Variants in ZNF737 observed in about 807,000 individuals in gnomAD.
ZNF737 encodes zinc finger protein 737, also known as zinc finger protein 102 (Y3).
ZNF737 carries 13 observed loss-of-function variants against 11.7 expected under a neutral mutation model. The observed-to-expected ratio is 1.11, with a 90% CI of 0.73 to 1.77. The LOEUF (loss-of-function observed/expected upper bound fraction) is 1.77. Among genes scored for constraint, ZNF737 ranks in the 40% most tolerant of loss-of-function variants. The pLI is 0.00. For synonymous variants in ZNF737, 217 were observed against 216.2 expected (o/e 1.00, Z -0.03); for missense variants, 636 against 638.0 (o/e 1.00, Z 0.03).
At chr19:20,559,955 A>C (rs2047374652) in intron 1 of ZNF737, among the ~76,000 whole-genome samples, 1 of 151,742 alleles carries the variant, frequency 6.6e-6, no homozygotes, top group Admixed American at 6.6e-5. Context: ...TCATGAGGTC[A>C]GGAGATCGAG....
intron 1 of ZNF737, 39 bp downstream of exon 1, chr19:20,565,599 C>CTA (rs782084132): frequency 6.2e-7 from 1 of 1,614,210 alleles, no homozygotes; most frequent in South Asian, 1.1e-5. Flanking sequence ...TCCAACCAGC[C>CTA]TATCCCCCTC....
downstream of ZNF737, among the ~76,000 whole-genome samples, chr19:20,537,113 A>G (rs997247262): frequency 6.6e-6 from 1 of 152,170 alleles, no homozygotes; most frequent in Non-Finnish European, 1.5e-5. Flanking sequence ...AAAAAACAAA[A>G]AACAAAAACT....
At chr19:20,532,580 T>G (rs1555753092), downstream of ZNF737, among the ~76,000 whole-genome samples, 1 of 146,068 alleles carries the variant, frequency 6.8e-6, no homozygotes, top group Non-Finnish European at 1.5e-5. Context: ...CAGTGAAGAT[T>G]TATTCAAACC....
chr19:20,559,602 G>T (rs535196762), intron 1 of ZNF737, among the ~76,000 whole-genome samples: 115 of 152,284 alleles, frequency 7.6e-4, no homozygotes, highest in African/African-American at 2.7e-3. Flanking sequence ...AATAGATGCT[G>T]GCAAGGTTGC....
chr19:20,552,948 G>A (rs1555759026), intron 2 of ZNF737, among the ~76,000 whole-genome samples: 1 of 148,000 alleles, frequency 6.8e-6, no homozygotes, highest in African/African-American at 2.4e-5. Flanking sequence ...GGAGGTGGAT[G>A]TTTCAGTAAG....
intron 1 of ZNF737, among the ~76,000 whole-genome samples, chr19:20,561,909 TTAATATA>T (rs1436194048): frequency 6.6e-6 from 1 of 152,084 alleles, no homozygotes; most frequent in Non-Finnish European, 1.5e-5. Context: ...GTTTAACAGT[TTAATATA>T]TAAGATGCAG....
At chr19:20,553,925 A>G in intron 1 of ZNF737, 90 bp from the exon 2 acceptor site, 1 of 1,497,206 alleles carries the variant, frequency 6.7e-7, no homozygotes, top group South Asian at 1.3e-5. Flanking sequence ...AGTAAAGACA[A>G]ATGGTTCTGA....
Position 20,553,779 on chromosome 19 carries a change from G to A in ZNF737, c.60C>T (p.Cys20=). The A allele has an allele frequency of 2.5e-6, 4 of 1,613,916 alleles. No homozygotes were observed. Residue 20 remains cysteine, a synonymous_variant, in exon 2 of 4, where the codon TGC becomes TGT. Transcript: ENST00000427401. Reference sequence around the variant, plus strand: ...ATAAATTCCGCTGTGCAGTGTCCAGGCAATGCCACTCCTCCAGAGAGAATT... The same window carrying A: ...ATAAATTCCGCTGTGCAGTGTCCAGACAATGCCACTCCTCCAGAGAGAATT... The part of the protein sequence containing the change: ...AIEFSLEEWH[C]LDTAQRNLYR...
In ZNF737 at chr19:20,538,588, T is replaced by G. The variant is rs1968070990; in HGVS notation, c.*6004A>C. On this transcript the variant is annotated 3_prime_UTR_variant, in exon 4 of 4. Coordinates refer to ENST00000427401, the MANE Select transcript of ZNF737 (RefSeq NM_001159293.2). ...GTAAAAATGGCCTTGCTAAGAAAAA[T>G]TAAATTTATTTTCAAGTGCTATTTC... is the stretch of plus-strand genomic sequence containing the variant. 1.0e-6 allele frequency: 1 copy of G among 960,344 alleles called. No individual in the cohort carries two copies. The highest frequency in any genetic ancestry group is 1.8e-5 in the African/African-American group (1 of 56,656). 59.5% of individuals were successfully genotyped at this position (960,344 alleles called of 1,614,324 possible).
rs912467433 is a variant in ZNF737 at position 20,552,344 on chromosome 19, A to C, written c.226+131T>G. ...AAAATTTAAAAAAGAAAAAAAAAAAAAAAACAGCTCCCAGGAACTATTTTC... is the reference window on the plus strand; with the variant it reads ...AAAATTTAAAAAAGAAAAAAAAAAACAAAACAGCTCCCAGGAACTATTTTC... On this transcript the variant is annotated intron_variant, in intron 3 of 3. Coordinates refer to ENST00000427401, the MANE Select transcript of ZNF737 (RefSeq NM_001159293.2). 4.3e-5 allele frequency: 23 copies of C among 534,872 alleles called. 1 individual carries two copies. Among genetic ancestry groups the C allele is most frequent in the Non-Finnish European group, 6.0e-5 (20 of 333,270 alleles). 33.1% of individuals were successfully genotyped at this position (534,872 alleles called of 1,614,324 possible). A position where few individuals can be genotyped will look rare whatever the true frequency, so the allele number is the denominator to read the frequency against.
downstream of ZNF737, among the ~76,000 whole-genome samples, chr19:20,533,907 C>G (rs1348156309): frequency 1.3e-5 from 2 of 150,042 alleles, no homozygotes; most frequent in Admixed American, 1.3e-4. Context: ...ATTGAAATCA[C>G]CTGGACTGAG....
chr19:20,541,378 C>T lies in ZNF737; in HGVS notation c.*3214G>A. ...AAGTCTATGTGTTTGCAGGCAGAGA[C>T]CACATGTTCAAGGAAAACTATATTA... On this transcript the variant is annotated 3_prime_UTR_variant, in exon 4 of 4. Transcript: ENST00000427401. The T allele has an allele frequency of 1.0e-6, 1 of 983,766 alleles. No individual in the cohort carries two copies. The allele number at this position is 983,766 out of a possible 1,614,324, so 60.9% of individuals were successfully genotyped here.
At chr19:20,564,819 C>CA (rs71172602) in intron 1 of ZNF737, among the ~76,000 whole-genome samples, 3,698 of 147,058 alleles carry the variant, frequency 0.025, 90 homozygotes, top group African/African-American at 0.062. Context: ...ATTTCTACCT[C>CA]AAAAAAAAAA....
At chr19:20,563,616 G>A (rs1969188951) in intron 1 of ZNF737, among the ~76,000 whole-genome samples, 2 of 150,296 alleles carry the variant, frequency 1.3e-5, no homozygotes, top group South Asian at 4.2e-4. Flanking sequence ...CTCCCATGTT[G>A]TTGGGAATAC....
intron 2 of ZNF737, among the ~76,000 whole-genome samples, chr19:20,553,128 G>C (rs1555759137): frequency 6.6e-6 from 1 of 152,052 alleles, no homozygotes; most frequent in African/African-American, 2.4e-5. Context: ...TAGATTTTCA[G>C]GTGGAAGCTA....
intron 3 of ZNF737, 50 bp from the exon 4 acceptor site, chr19:20,546,026 A>T (rs1968444394): frequency 6.6e-7 from 1 of 1,515,064 alleles, no homozygotes; most frequent in East Asian, 2.3e-5. Flanking sequence ...ACTCAGATAA[A>T]TATACTTTAC....
intron 1 of ZNF737, among the ~76,000 whole-genome samples, chr19:20,556,477 A>T (rs1555761196): frequency 1.2e-4 from 18 of 152,126 alleles, no homozygotes. Context: ...CTTATAATTC[A>T]CTTGGTAATT....
intron 1 of ZNF737, among the ~76,000 whole-genome samples, chr19:20,558,515 T>A (rs944081915): frequency 5.9e-5 from 9 of 152,160 alleles, no homozygotes; most frequent in South Asian, 2.1e-4. Context: ...AGTTTTTTTT[T>A]AATGGCCATA....
At chr19:20,530,364 C>A in the ZNF737 span, among the ~76,000 whole-genome samples, 2 of 141,950 alleles carry the variant, frequency 1.4e-5, no homozygotes, top group African/African-American at 5.2e-5. Context: ...GGGGGGCTGA[C>A]CCCCCACCTC....
Sources: gnomAD v4.1 joint callset for allele counts (sites outside exome capture counted in the v4.1 genomes callset) on GRCh38, gnomAD v4.1.1 for gene constraint, MANE v1.5 for transcripts, NCBI Gene and HGNC (gene_info 2026-07-23, HGNC 2026-07-21) for gene names.